The following SLC9A7 variants were observed in gnomAD, a reference collection of about 807,000 sequenced individuals.
SLC9A7 encodes the protein sodium/hydrogen exchanger 7.
In SLC9A7, 19 loss-of-function variants were observed where a neutral mutation model predicts 52.6. That is an observed-to-expected ratio of 0.36 (90% CI 0.25 to 0.53). The LOEUF (loss-of-function observed/expected upper bound fraction) is 0.53. SLC9A7 is among the 20% of genes least tolerant of loss of function. The pLI, the probability that SLC9A7 is intolerant of heterozygous loss-of-function variation, is 0.91. For missense variants in SLC9A7, 455 were observed against 597.9 expected (o/e 0.76, Z 2.49); for synonymous variants, 226 against 252.1 (o/e 0.90, Z 0.98).
At chrX:46,649,500 C>A (rs777102494) in intron 10 of SLC9A7, among the ~76,000 whole-genome samples, 1 of 112,036 alleles carries the variant, frequency 8.9e-6, no homozygotes, top group African/African-American at 3.2e-5. Context: ...GCTGTGGAAA[C>A]CAAAGAATGC....
chrX:46,670,493 G>A (rs1294326030), intron 4 of SLC9A7, among the ~76,000 whole-genome samples: 2 of 110,918 alleles, frequency 1.8e-5, no homozygotes, highest in African/African-American at 6.6e-5. Flanking sequence ...GTGCGTGCAT[G>A]TGTGTGTGTG....
At chrX:46,612,860 G>C (rs1399871455) in intron 16 of SLC9A7, among the ~76,000 whole-genome samples, 2 of 96,361 alleles carry the variant, frequency 2.1e-5, no homozygotes, top group Non-Finnish European at 4.1e-5. Flanking sequence ...GGGAGGCATA[G>C]GTTGCAGTGA....
In SLC9A7 at chrX:46,759,040, C is replaced by A; in HGVS notation, c.-11G>T. The stretch of plus-strand genomic sequence containing the variant: ...GTCACCAGGCTCCATGGTCCCGGGG[C>A]CCCCCGCGCCTCCTCCGAGCGGGGA... On this transcript the variant is annotated 5_prime_UTR_variant, in exon 1 of 17. Transcript: ENST00000616978. The A allele has an allele frequency of 4.4e-6, 4 of 916,967 alleles. No individual in the cohort carries two copies. Among genetic ancestry groups the A allele is most frequent in the East Asian group, 9.5e-5 (2 of 20,947 alleles). 75.6% of individuals were successfully genotyped at this position (916,967 alleles called of 1,213,427 possible).
chrX:46,752,981 T>C (rs782620590), intron 1 of SLC9A7, among the ~76,000 whole-genome samples: 2 of 112,408 alleles, frequency 1.8e-5, no homozygotes, highest in Non-Finnish European at 3.8e-5. Context: ...TAAGAAATGC[T>C]TTTAGTAAAT....
At chrX:46,750,378 A>C (rs773347112) in intron 1 of SLC9A7, among the ~76,000 whole-genome samples, 1 of 112,023 alleles carries the variant, frequency 8.9e-6, no homozygotes, top group African/African-American at 3.2e-5. Flanking sequence ...ACAGGGTCTC[A>C]CTCTGTTGCC....
intron 5 of SLC9A7, among the ~76,000 whole-genome samples, chrX:46,662,896 T>C (rs1026019751): frequency 1.8e-5 from 2 of 112,489 alleles, no homozygotes; most frequent in Non-Finnish European, 3.8e-5. Flanking sequence ...TGTGATCCCA[T>C]CACACTTTGA....
At chrX:46,684,487 G>T (rs1343492706) in intron 1 of SLC9A7, among the ~76,000 whole-genome samples, 4 of 111,819 alleles carry the variant, frequency 3.6e-5, no homozygotes, top group Admixed American at 9.5e-5. Context: ...TTACAGGCGT[G>T]AGCCACCATG....
In SLC9A7 at chrX:46,682,960, ATTTTT is replaced by A. The variant is rs1169630244; in HGVS notation, c.326-430_326-426del. 9.2e-5 allele frequency among the ~76,000 whole-genome samples: 6 copies of A among 64,910 alleles called. 1 individual carries two copies. The highest frequency in any genetic ancestry group is 2.0e-3 in the South Asian group (2 of 997). 56.4% of individuals were successfully genotyped at this position (64,910 alleles called of 115,157 possible). The stretch of plus-strand genomic sequence containing the variant: ...AGGCACCCACCACTACACCCGGCTA[ATTTTT>A]TTTTTTTTTTTTTTTTTGTATTTTT... On this transcript the variant is annotated intron_variant, in intron 1 of 16. Transcript: ENST00000616978.
At chrX:46,735,270 C>A (rs1456932133) in intron 1 of SLC9A7, among the ~76,000 whole-genome samples, 1 of 110,995 alleles carries the variant, frequency 9.0e-6, no homozygotes, top group Non-Finnish European at 1.9e-5. Flanking sequence ...AATTTATCAC[C>A]TCTATTGACT....
At chrX:46,665,557 C>CAAAAAAAAAAAAAAAAAAAAAAAAAA (rs754854403) in intron 5 of SLC9A7, among the ~76,000 whole-genome samples, 1 of 21,772 alleles carries the variant, frequency 4.6e-5, no homozygotes, top group African/African-American at 1.4e-4. Context: ...GACTCCATCT[C>CAAAAAAAAAAAAAAAAAAAAAAAAAA]AAAAAAAAAA....
chrX:46,600,273 T>G lies in SLC9A7; in HGVS notation c.*6679A>C, dbSNP rs1402470108. The G allele has an allele frequency of 1.8e-5, 2 of 112,260 alleles. No homozygotes were observed. The highest frequency in any genetic ancestry group is 5.6e-4 in the East Asian group (2 of 3,597). 9.3% of individuals were successfully genotyped at this position (112,260 alleles called of 1,213,427 possible). A position where few individuals can be genotyped will look rare whatever the true frequency, so the allele number is the denominator to read the frequency against. On this transcript the variant is annotated 3_prime_UTR_variant, in exon 17 of 17. Coordinates refer to ENST00000616978, the MANE Select transcript of SLC9A7 (RefSeq NM_001257291.2). Reference sequence around the variant, plus strand: ...TGCTTGAGACAGCAGATGTTGAGGTTTCCATGCTGTTTACAAGTCCTTTTC... The same window carrying G: ...TGCTTGAGACAGCAGATGTTGAGGTGTCCATGCTGTTTACAAGTCCTTTTC...
intron 1 of SLC9A7, among the ~76,000 whole-genome samples, chrX:46,706,364 G>A (rs957326277): frequency 9.3e-6 from 1 of 107,420 alleles, no homozygotes; most frequent in South Asian, 4.3e-4. Context: ...GTAATAAGAC[G>A]GATCATGAGC....
At chrX:46,664,570 T>C (rs1397014224) in intron 5 of SLC9A7, among the ~76,000 whole-genome samples, 2 of 111,022 alleles carry the variant, frequency 1.8e-5, no homozygotes, top group Non-Finnish European at 3.8e-5. Flanking sequence ...AAATAGAACT[T>C]TGTCAGTCCC....
chrX:46,653,212 T>C (rs1003319352), intron 8 of SLC9A7, among the ~76,000 whole-genome samples: 5 of 110,657 alleles, frequency 4.5e-5, no homozygotes, highest in Admixed American at 1.9e-4. Flanking sequence ...CTGGACAACA[T>C]AGCAAATGTT....
At chrX:46,634,467 C>G (rs138248912) in intron 13 of SLC9A7, among the ~76,000 whole-genome samples, 1 of 110,489 alleles carries the variant, frequency 9.1e-6, no homozygotes, top group East Asian at 2.8e-4. Flanking sequence ...AAAAAAAAAC[C>G]CTGAATGGTC....
At chrX:46,736,537 T>G (rs1945125117) in intron 1 of SLC9A7, among the ~76,000 whole-genome samples, 1 of 111,888 alleles carries the variant, frequency 8.9e-6, no homozygotes, top group Admixed American at 9.5e-5. Context: ...GAGGTAAATA[T>G]TTTTTATACT....
At chrX:46,686,418 T>C (rs1341086710) in intron 1 of SLC9A7, among the ~76,000 whole-genome samples, 7 of 112,103 alleles carry the variant, frequency 6.2e-5, no homozygotes, top group African/African-American at 1.9e-4. Context: ...GGCATGATAT[T>C]AAGTTCATAT....
intron 8 of SLC9A7, among the ~76,000 whole-genome samples, chrX:46,651,620 G>A (rs1943582499): frequency 9.0e-6 from 1 of 110,555 alleles, no homozygotes; most frequent in Admixed American, 9.6e-5. Context: ...TTGAACCCAG[G>A]AGTTTGAGAC....
At chrX:46,689,347 T>A (rs1944347605) in intron 1 of SLC9A7, among the ~76,000 whole-genome samples, 1 of 112,567 alleles carries the variant, frequency 8.9e-6, no homozygotes, top group East Asian at 2.8e-4. Flanking sequence ...AATTAACACT[T>A]CATCTCATTT....
Sources: gnomAD v4.1 joint callset for allele counts (sites outside exome capture counted in the v4.1 genomes callset) on GRCh38, gnomAD v4.1.1 for gene constraint, MANE v1.5 for transcripts, NCBI Gene and HGNC (gene_info 2026-07-23, HGNC 2026-07-21) for gene names.